AP4B1: variants seen among roughly 807,000 people sequenced by gnomAD.
The protein encoded by AP4B1 is AP-4 complex subunit beta-1.
Under a neutral mutation model 76.5 loss-of-function variants are expected in AP4B1, and 49 were observed. The ratio of observed to expected loss-of-function variants is 0.64; its 90% CI spans 0.51 to 0.81. The LOEUF is 0.81. Ranked by LOEUF, AP4B1 falls within the 40% of genes least tolerant of loss-of-function variation. The pLI is 0.00. For synonymous variants in AP4B1, 330 were observed against 333.3 expected (o/e 0.99, Z 0.11); for missense variants, 911 against 904.9 (o/e 1.01, Z -0.09).
chr1:113,904,739 G>C lies in AP4B1; in HGVS notation c.-22C>G. ...GCATCTTCCTAAGAGTCACAGGGCAGCTCCCACAGCTCCCACGGTAACTCG... is the reference window on the plus strand; with the variant it reads ...GCATCTTCCTAAGAGTCACAGGGCACCTCCCACAGCTCCCACGGTAACTCG... On this transcript the variant is annotated 5_prime_UTR_variant, in exon 1 of 10. Coordinates refer to ENST00000369569, the MANE Select transcript of AP4B1 (RefSeq NM_001253852.3). 6.3e-7 allele frequency: 1 copy of C among 1,591,480 alleles called. No individual in the cohort carries two copies. Among genetic ancestry groups the C allele is most frequent in the Non-Finnish European group, 8.6e-7 (1 of 1,161,264 alleles).
chr1:113,900,574 G>C (rs1668112029), intron 4 of AP4B1, 174 bp from the exon 5 acceptor site: 1 of 790,760 alleles, frequency 1.3e-6, no homozygotes. Context: ...CACAAAAAAG[G>C]CTTAAAATTC....
In AP4B1 at chr1:113,900,181, T is replaced by TC; in HGVS notation, c.836dup (p.Pro280ThrfsTer12). On this transcript the variant is annotated frameshift_variant, in exon 5 of 10. Transcript: ENST00000369569. LOFTEE classifies it high-confidence loss of function. The stretch of plus-strand genomic sequence containing the variant: ...CTGAAGAACAGGCAGCTAGCAAAGG[T>TC]CCCTTGACCCGCACAAGGACATCAG... The TC allele has an allele frequency of 1.2e-6, 2 of 1,614,078 alleles. No homozygotes were observed. Among genetic ancestry groups the TC allele is most frequent in the Non-Finnish European group, 1.7e-6 (2 of 1,179,998 alleles).
Position 113,895,256 on chromosome 1 carries a change from G to C in AP4B1, c.2029C>G (p.Arg677Gly), listed in dbSNP as rs1471215054. 6 of 1,614,170 alleles carry C rather than the reference G, an allele frequency of 3.7e-6. No homozygotes were observed. Among genetic ancestry groups the C allele is most frequent in the Non-Finnish European group, 4.2e-6 (5 of 1,180,034 alleles). Residue 677 changes from arginine (R) to glycine (G), a missense_variant, in exon 10 of 10, where the codon CGG becomes GGG. Physicochemically the swap from Arg to Gly is moderately radical, Grantham distance 125. Coordinates refer to ENST00000369569, the MANE Select transcript of AP4B1 (RefSeq NM_001253852.3). ...QTIAMSRAGS[R>G]PWKAYLSAQD... The stretch of plus-strand genomic sequence containing the variant: ...GCACTGAGGTATGCTTTCCATGGCC[G>C]AGACCCAGCCCTACTCATTGCGATG...
At position 113,898,798 on chromosome 1, in the gene AP4B1, C is replaced by T. The variant is rs370213016; in HGVS notation, c.1118G>A (p.Gly373Asp). ...FAQAAIFAIG[G>D]IARTYTDQCV... Reference sequence around the variant, plus strand: ...TTGATCTGTGTAAGTCCTGGCAATGCCACCTACAAAAGAAGGGAAAGCAGA... The same window carrying T: ...TTGATCTGTGTAAGTCCTGGCAATGTCACCTACAAAAGAAGGGAAAGCAGA... Residue 373 changes from glycine to aspartate, a missense_variant, in exon 6 of 10, where the codon GGC becomes GAC. Transcript: ENST00000369569. 124 of 1,607,330 alleles carry T rather than the reference C, an allele frequency of 7.7e-5. No homozygotes were observed. Among genetic ancestry groups the T allele is most frequent in the Non-Finnish European group, 9.9e-5 (117 of 1,179,498 alleles).
At position 113,900,145 on chromosome 1, in the gene AP4B1, C is replaced by T. The variant is rs1278993083; in HGVS notation, c.873G>A (p.Glu291=). 3 of 1,614,080 alleles carry T rather than the reference C, an allele frequency of 1.9e-6. No individual in the cohort carries two copies. The highest frequency in any genetic ancestry group is 2.7e-5 in the African/African-American group (2 of 74,916). The part of the protein sequence containing the change: ...LLAACSSESR[E]LCFVALCHVR... ...CATGACAAAGAGCAACAAAACAGAG[C>T]TCACGGCTCTCTGAAGAACAGGCAG... is the stretch of plus-strand genomic sequence containing the variant. Residue 291 remains glutamate, a synonymous_variant, in exon 5 of 10, where the codon GAG becomes GAA. Coordinates refer to ENST00000369569, the MANE Select transcript of AP4B1 (RefSeq NM_001253852.3).
intron 5 of AP4B1, chr1:113,899,111 T>G: frequency 9.2e-6 from 11 of 1,189,606 alleles, no homozygotes; most frequent in Non-Finnish European, 1.2e-5. Context: ...GGTACCCTTT[T>G]TGTTGCAGCA....
At position 113,899,325 on chromosome 1, in the gene AP4B1, A is replaced by G. The variant is rs1483881204; in HGVS notation, c.1115-524T>C. 6.9e-6 allele frequency: 7 copies of G among 1,014,200 alleles called. No homozygotes were observed. The East Asian group carries it at 5.2e-4, about 75-fold the overall frequency. The allele number at this position is 1,014,200 out of a possible 1,614,324, so 62.8% of individuals were successfully genotyped here. On this transcript the variant is annotated intron_variant, in intron 5 of 9. Transcript: ENST00000369569. ...GTTTTTGAGTCACTCCAGCCTTTCA[A>G]ATTCCAGACAGGGTACTATGAAAAA... is the stretch of plus-strand genomic sequence containing the variant.
At chr1:113,900,514 A>T in intron 4 of AP4B1, 114 bp from the exon 5 acceptor site, 1 of 1,272,198 alleles carries the variant, frequency 7.9e-7, no homozygotes, top group South Asian at 1.3e-5. Context: ...AATTCTTAAA[A>T]ATAGGCTGTG....
At chr1:113,895,560 T>G (rs1667364066) in intron 9 of AP4B1, 68 bp from the exon 10 acceptor site, 3 of 1,591,092 alleles carry the variant, frequency 1.9e-6, no homozygotes, top group Non-Finnish European at 2.6e-6. Context: ...TTTATCCAAA[T>G]TCCCAAATGT....
chr1:113,898,239 A>G (rs1015770565), intron 6 of AP4B1, among the ~76,000 whole-genome samples: 1 of 152,252 alleles, frequency 6.6e-6, no homozygotes, highest in Non-Finnish European at 1.5e-5. Flanking sequence ...ATGAAACACT[A>G]AAGACAGTAT....
At chr1:113,901,592 A>G (rs989778606) in intron 3 of AP4B1, among the ~76,000 whole-genome samples, 163 bp downstream of exon 3, 2 of 152,222 alleles carry the variant, frequency 1.3e-5, no homozygotes, top group Non-Finnish European at 2.9e-5. Context: ...GGCCCCAGAG[A>G]AAGGACTTCT....
chr1:113,900,671 A>C, intron 4 of AP4B1: 1 of 493,742 alleles, frequency 2.0e-6, no homozygotes, highest in South Asian at 2.4e-5. Context: ...TTACATTTTA[A>C]GACACTATAA....
chr1:113,900,261 TCAC>T lies in AP4B1; in HGVS notation c.754_756del (p.Val252del). The T allele has an allele frequency of 1.2e-6, 2 of 1,606,808 alleles. No homozygotes were observed. The highest frequency in any genetic ancestry group is 1.3e-5 in the African/African-American group (1 of 74,672). On this transcript the variant is annotated inframe_deletion, in exon 5 of 10. Transcript: ENST00000369569. Reference sequence around the variant, plus strand: ...ATCAGAAAAAGTTTGGTAGCTCCCATCACCACACCTGGGCTACTGCTCTTGAGG... The same window carrying T: ...ATCAGAAAAAGTTTGGTAGCTCCCATCACACCTGGGCTACTGCTCTTGAGG...
At chr1:113,895,634 C>T (rs1667373930) in intron 9 of AP4B1, 123 bp downstream of exon 9, 4 of 1,535,310 alleles carry the variant, frequency 2.6e-6, no homozygotes, top group East Asian at 2.3e-5. Flanking sequence ...CTCTTTCTTG[C>T]TCACAAATGC....
In AP4B1 at chr1:113,904,712, C is replaced by CGT. The variant is rs1558100371; in HGVS notation, c.5_6insAC (p.Tyr3ArgfsTer9). ...TCACCACGTCCTCGGAGCCAAGGTACGGCATCTTCCTAAGAGTCACAGGGC... is the reference window on the plus strand; with the variant it reads ...TCACCACGTCCTCGGAGCCAAGGTACGTGGCATCTTCCTAAGAGTCACAGGGC... On this transcript the variant is annotated frameshift_variant, in exon 1 of 10. Coordinates refer to ENST00000369569, the MANE Select transcript of AP4B1 (RefSeq NM_001253852.3). LOFTEE classifies it high-confidence loss of function. 6.2e-7 allele frequency: 1 copy of CGT among 1,612,044 alleles called. No homozygotes were observed. Among genetic ancestry groups the CGT allele is most frequent in the Admixed American group, 1.7e-5 (1 of 60,002 alleles).
rs1414656273 is a variant in AP4B1, at chr1:113,897,838, A to G, written c.1302+2T>C. 6.2e-7 allele frequency: 1 copy of G among 1,613,976 alleles called. No individual in the cohort carries two copies. On this transcript the variant is annotated splice_donor_variant, in intron 7 of 9. Transcript: ENST00000369569. LOFTEE classifies it high-confidence loss of function. ...TAGAAGTAAAGGAGAATTACAGTCT[A>G]CCTCACTATCTTGAATGTTCTCTTC...
At position 113,895,767 on chromosome 1, in the gene AP4B1, A is replaced by C; in HGVS notation, c.1782T>G (p.Phe594Leu). ...CDPELPKTSS[F>L]AASGPLIPEE... ...AAGGACTGTTTTTACCTGATGCGGC[A>C]AAGGATGAAGTTTTAGGAAGCTCTG... The change falls in exon 9 of 10, where the codon TTT (phenylalanine) becomes TTG (leucine). Residue 594 changes from phenylalanine to leucine, a missense_variant. Physicochemically the swap from Phe to Leu is conservative, Grantham distance 22 (BLOSUM62 0). Transcript: ENST00000369569. 6.2e-7 allele frequency: 1 copy of C among 1,614,232 alleles called. No individual in the cohort carries two copies. The highest frequency in any genetic ancestry group is 8.5e-7 in the Non-Finnish European group (1 of 1,180,040).
At position 113,895,344 on chromosome 1, in the gene AP4B1, A is replaced by T; in HGVS notation, c.1941T>A (p.Pro647=). 6.2e-7 allele frequency: 1 copy of T among 1,614,218 alleles called. No homozygotes were observed. Among genetic ancestry groups the T allele is most frequent in the African/African-American group, 1.3e-5 (1 of 75,050 alleles). The stretch of plus-strand genomic sequence containing the variant: ...TGTCAGGATGGAATTCTCCCCGCCA[A>T]GGCAACACTTGCTGATGAGCAACTT... ...SLKVAHQQVL[P]WRGEFHPDTL... Residue 647 remains proline (P), a synonymous_variant, in exon 10 of 10, where the codon CCT becomes CCA. Transcript: ENST00000369569.
intron 4 of AP4B1, chr1:113,900,609 C>G (rs555728573): frequency 3.2e-6 from 2 of 619,422 alleles, no homozygotes; most frequent in Non-Finnish European, 2.8e-6. Context: ...AATACAAATG[C>G]ACACTCCTCT....
Sources: allele counts gnomAD v4.1 joint callset (sites outside exome capture counted in the v4.1 genomes callset), GRCh38; gene constraint gnomAD v4.1.1; transcripts MANE v1.5; gene names NCBI Gene and HGNC (gene_info 2026-07-23, HGNC 2026-07-21).